Variants in KIFC3 observed in about 807,000 individuals in gnomAD.
The protein encoded by KIFC3 is kinesin-like protein KIFC3.
KIFC3 carries 60 observed loss-of-function variants against 101.8 expected under a neutral mutation model. The observed-to-expected ratio is 0.59, with a 90% CI of 0.48 to 0.73. The LOEUF (loss-of-function observed/expected upper bound fraction) is 0.73, where lower values mean the gene tolerates loss of function less well. Ranked by LOEUF, KIFC3 falls within the 30% of genes least tolerant of loss-of-function variation. The pLI is 0.00. For missense variants in KIFC3, 966 were observed against 1,137.1 expected (o/e 0.85, Z 2.16); for synonymous variants, 476 against 482.7 (o/e 0.99, Z 0.18).
intron 1 of KIFC3, chr16:57,816,499 G>A: frequency 2.2e-6 from 1 of 457,064 alleles, no homozygotes; most frequent in South Asian, 1.5e-5. Flanking sequence ...CTGCTGGGAA[G>A]CAGCTGACGT....
intron 1 of KIFC3, 165 bp from the exon 2 acceptor site, chr16:57,798,447 T>C: frequency 1.5e-6 from 1 of 648,514 alleles, no homozygotes; most frequent in Non-Finnish European, 2.7e-6. Context: ...GCTCGCAGGA[T>C]GAAATGGGGC....
chr16:57,795,875 GGC>G (rs1555622599), intron 2 of KIFC3, among the ~76,000 whole-genome samples: 1 of 138,194 alleles, frequency 7.2e-6, no homozygotes, highest in African/African-American at 2.7e-5. Flanking sequence ...TGTTTTTTTG[GGC>G]TTTTTTGTTT....
chr16:57,812,718 A>G (rs1555628006), intron 1 of KIFC3, among the ~76,000 whole-genome samples: 1 of 152,188 alleles, frequency 6.6e-6, no homozygotes, highest in Non-Finnish European at 1.5e-5. Context: ...AGGGCCTGGA[A>G]ACAAAGCCTG....
At chr16:57,808,022 G>A (rs1160187786), upstream of KIFC3, 2 of 150,894 alleles carry the variant, frequency 1.3e-5, no homozygotes, top group African/African-American at 4.9e-5. Flanking sequence ...AATGGTGGCT[G>A]CCTTTCTGCA....
chr16:57,758,385 C>T lies in KIFC3; in HGVS notation c.*549G>A, dbSNP rs556058550. ...CTGCCTCTGCCAGCCATAAACACAG[C>T]ACGGCCCCGTGGCGGGAGGCCATGC... On this transcript the variant is annotated 3_prime_UTR_variant, in exon 20 of 20. Coordinates refer to ENST00000445690, the MANE Select transcript of KIFC3 (RefSeq NM_001130100.2). 3.0e-4 allele frequency: 105 copies of T among 347,618 alleles called. 1 individual carries two copies. Among genetic ancestry groups the T allele is most frequent in the African/African-American group, 2.2e-3 (102 of 46,642 alleles). 21.5% of individuals were successfully genotyped at this position (347,618 alleles called of 1,614,324 possible).
intron 1 of KIFC3, among the ~76,000 whole-genome samples, chr16:57,844,410 G>A (rs1303165336): frequency 2.2e-5 from 3 of 133,416 alleles, no homozygotes; most frequent in Middle Eastern, 4.3e-3. Context: ...AGCTTTGGGC[G>A]ACAGAGCAAG....
At chr16:57,759,581 G>A in intron 18 of KIFC3, 147 bp downstream of exon 18, 3 of 625,358 alleles carry the variant, frequency 4.8e-6, no homozygotes, top group African/African-American at 1.8e-5. Context: ...TACTGCCTGG[G>A]GGCAGGGGAG....
At chr16:57,826,216 A>G (rs961297102) in intron 1 of KIFC3, among the ~76,000 whole-genome samples, 13 of 152,224 alleles carry the variant, frequency 8.5e-5, no homozygotes, top group Non-Finnish European at 1.2e-4. Flanking sequence ...TTCACATGCT[A>G]TCCTGTGCTT....
chr16:57,859,928 G>GGA (rs1167887701), intron 1 of KIFC3, among the ~76,000 whole-genome samples: 1 of 151,356 alleles, frequency 6.6e-6, no homozygotes, highest in African/African-American at 2.4e-5. Flanking sequence ...AGGCTGAGGA[G>GGA]GAAAGATGGC....
chr16:57,786,718 T>A (rs1555617906), intron 3 of KIFC3, among the ~76,000 whole-genome samples: 2 of 151,758 alleles, frequency 1.3e-5, no homozygotes, highest in African/African-American at 4.8e-5. Context: ...CAGGCTGGGG[T>A]TGGGGGGATC....
chr16:57,819,459 C>T (rs986926394), intron 1 of KIFC3, among the ~76,000 whole-genome samples: 2 of 152,230 alleles, frequency 1.3e-5, no homozygotes, highest in African/African-American at 2.4e-5. Flanking sequence ...CCTGTTTGGA[C>T]ACCAGCACAC....
intron 1 of KIFC3, among the ~76,000 whole-genome samples, chr16:57,822,099 T>A (rs1350853215): frequency 7.9e-5 from 12 of 151,688 alleles, no homozygotes; most frequent in African/African-American, 2.7e-4. Flanking sequence ...AAACAAAAAC[T>A]AAAACAAAAA....
intron 3 of KIFC3, chr16:57,776,279 G>A (rs2052071008): frequency 1.0e-6 from 1 of 985,502 alleles, no homozygotes; most frequent in Non-Finnish European, 1.2e-6. Context: ...GGGCGGCCCT[G>A]GGAGCACACC....
chr16:57,852,721 A>G (rs999505537), intron 1 of KIFC3, among the ~76,000 whole-genome samples: 16 of 149,966 alleles, frequency 1.1e-4, no homozygotes, highest in African/African-American at 1.7e-4. Context: ...AGTTCAAAGC[A>G]CATTTAGATT....
intron 1 of KIFC3, 88 bp from the exon 2 acceptor site, chr16:57,798,370 A>G: frequency 2.5e-6 from 3 of 1,207,476 alleles, no homozygotes; most frequent in Non-Finnish European, 3.5e-6. Context: ...GGAAGGGTCT[A>G]CGCCCCACCG....
At position 57,771,609 on chromosome 16, in the gene KIFC3, A is replaced by G. The variant is rs1555608484; in HGVS notation, c.459T>C (p.Cys153=). The G allele has an allele frequency of 1.2e-6, 2 of 1,613,396 alleles. No individual in the cohort carries two copies. Among genetic ancestry groups the G allele is most frequent in the Non-Finnish European group, 1.7e-6 (2 of 1,180,010 alleles). ...TGCGCAGCTCTTGCAGCTCGGCCTC[A>G]CAGCGCCGCATCTCCTGCCTCAGTC... The part of the protein sequence containing the change: ...NERLRQEMRR[C]EAELQELRTK... Residue 153 remains cysteine, a synonymous_variant, in exon 5 of 20, where the codon TGT becomes TGC. Transcript: ENST00000445690.
At chr16:57,853,335 C>T (rs914753957) in intron 1 of KIFC3, among the ~76,000 whole-genome samples, 3 of 152,040 alleles carry the variant, frequency 2.0e-5, no homozygotes, top group Non-Finnish European at 4.4e-5. Context: ...AGGAGAATCA[C>T]TTGAACCCAA....
intron 12 of KIFC3, 69 bp downstream of exon 12, chr16:57,764,074 G>T: frequency 9.1e-7 from 1 of 1,102,610 alleles, no homozygotes; most frequent in Non-Finnish European, 1.4e-6. Flanking sequence ...AATACCCCAA[G>T]ACCAATGAGG....
rs182322891 is a variant in KIFC3 at position 57,758,727 on chromosome 16, G to A, written c.*207C>T. ...GCAATTTGCACTCAGAGCCACAGCCGAGAGACACCGTTTCCTTCTGAACAT... is the reference window on the plus strand; with the variant it reads ...GCAATTTGCACTCAGAGCCACAGCCAAGAGACACCGTTTCCTTCTGAACAT... On this transcript the variant is annotated 3_prime_UTR_variant, in exon 20 of 20. Coordinates refer to ENST00000445690, the MANE Select transcript of KIFC3 (RefSeq NM_001130100.2). 236 of 854,968 alleles carry A rather than the reference G, an allele frequency of 2.8e-4. 1 individual carries two copies. The highest frequency in any genetic ancestry group is 2.1e-3 in the African/African-American group (129 of 60,576). The allele number at this position is 854,968 out of a possible 1,614,324, so 53.0% of individuals were successfully genotyped here. A position where few individuals can be genotyped will look rare whatever the true frequency, so the allele number is the denominator to read the frequency against.
Sources: gnomAD v4.1 joint callset for allele counts (sites outside exome capture counted in the v4.1 genomes callset) on GRCh38, gnomAD v4.1.1 for gene constraint, MANE v1.5 for transcripts, NCBI Gene and HGNC (gene_info 2026-07-23, HGNC 2026-07-21) for gene names.